The following ZDHHC21 variants were observed in gnomAD, a reference collection of about 807,000 sequenced individuals.
The protein encoded by ZDHHC21 is palmitoyltransferase ZDHHC21.
Under a neutral mutation model 34.6 loss-of-function variants are expected in ZDHHC21, and 15 were observed. The observed-to-expected ratio is 0.43, with a 90% CI of 0.29 to 0.67. The LOEUF (loss-of-function observed/expected upper bound fraction) is 0.67, where lower values mean the gene tolerates loss of function less well. Ranked by LOEUF, ZDHHC21 falls within the 30% of genes least tolerant of loss-of-function variation. The pLI, the probability that ZDHHC21 is intolerant of heterozygous loss-of-function variation, is 0.14. For missense variants in ZDHHC21, 344 were observed against 327.7 expected, an observed-to-expected ratio of 1.05 and a Z score of -0.38; for synonymous variants, 142 against 101.8, an observed-to-expected ratio of 1.40 and a Z score of -2.38.
At chr9:14,669,773 A>G (rs1422749924) in intron 5 of ZDHHC21, among the ~76,000 whole-genome samples, 8 of 148,818 alleles carry the variant, frequency 5.4e-5, no homozygotes, top group Non-Finnish European at 1.2e-4. Context: ...CAAACACTCC[A>G]TATTCTCACT....
chr9:14,644,554 A>G (rs1055336138), intron 7 of ZDHHC21, among the ~76,000 whole-genome samples: 2 of 152,006 alleles, frequency 1.3e-5, no homozygotes, highest in East Asian at 1.9e-4. Context: ...TCTGATTATG[A>G]AAGTTCTCCT....
chr9:14,653,367 T>A (rs1039255680), intron 7 of ZDHHC21, among the ~76,000 whole-genome samples: 1 of 151,972 alleles, frequency 6.6e-6, no homozygotes, highest in Admixed American at 6.6e-5. Context: ...AATGGTGACT[T>A]TGGTTCTGAA....
At chr9:14,684,143 A>G (rs1387965346) in intron 2 of ZDHHC21, among the ~76,000 whole-genome samples, 1 of 151,474 alleles carries the variant, frequency 6.6e-6, no homozygotes, top group Admixed American at 6.6e-5. Flanking sequence ...AACTGGCACA[A>G]GACAGGGATG....
chr9:14,689,747 G>C (rs2382478), intron 2 of ZDHHC21, among the ~76,000 whole-genome samples: 25,603 of 152,028 alleles, frequency 0.17, 2,520 homozygotes, highest in East Asian at 0.35. Context: ...AGAGAAAGTA[G>C]ATAACTGGGC....
At chr9:14,623,863 G>A (rs536518826) in intron 8 of ZDHHC21, among the ~76,000 whole-genome samples, 13 of 152,198 alleles carry the variant, frequency 8.5e-5, no homozygotes, top group South Asian at 6.2e-4. Context: ...CAAGGATGTG[G>A]AGAAAAGGGA....
chr9:14,693,350 C>T lies in ZDHHC21; in HGVS notation c.-346G>A, dbSNP rs1233522612. The T allele has an allele frequency of 4.9e-6, 2 of 408,570 alleles. No homozygotes were observed. Among genetic ancestry groups the T allele is most frequent in the Admixed American group, 2.8e-5 (1 of 35,986 alleles). The allele number at this position is 408,570 out of a possible 1,614,324, so 25.3% of individuals were successfully genotyped here. A position where few individuals can be genotyped will look rare whatever the true frequency, so the allele number is the denominator to read the frequency against. ...CGCCGCCCAGGCCGGGCCGCTCTCCCCTTCCGCTTCCGGGAGCCTGAGGGC... is the reference window on the plus strand; with the variant it reads ...CGCCGCCCAGGCCGGGCCGCTCTCCTCTTCCGCTTCCGGGAGCCTGAGGGC... On this transcript the variant is annotated 5_prime_UTR_variant, in exon 1 of 10. Transcript: ENST00000380916.
At chr9:14,646,144 A>T (rs1339560303) in intron 7 of ZDHHC21, among the ~76,000 whole-genome samples, 1 of 152,152 alleles carries the variant, frequency 6.6e-6, no homozygotes, top group African/African-American at 2.4e-5. Context: ...ACTAGAAACA[A>T]AGTAAATGTC....
intron 2 of ZDHHC21, among the ~76,000 whole-genome samples, chr9:14,683,396 C>G (rs1368946411): frequency 6.6e-6 from 1 of 152,086 alleles, no homozygotes; most frequent in East Asian, 1.9e-4. Flanking sequence ...GAAATACAAA[C>G]TACCATCAGA....
downstream of ZDHHC21, among the ~76,000 whole-genome samples, chr9:14,606,715 G>T (rs1036546422): frequency 1.3e-5 from 2 of 151,686 alleles, no homozygotes; most frequent in African/African-American, 4.8e-5. Context: ...CAAGTGACTG[G>T]GCTAAATTTT....
chr9:14,611,214 C>T lies in ZDHHC21; in HGVS notation c.*7752G>A, dbSNP rs987803105. ...ATATTACGTGAAAAAAACTAAATCGCTACAATAAATTAAAAACAACAACAT... is the reference window on the plus strand; with the variant it reads ...ATATTACGTGAAAAAAACTAAATCGTTACAATAAATTAAAAACAACAACAT... On this transcript the variant is annotated 3_prime_UTR_variant, in exon 10 of 10. Transcript: ENST00000380916. 2 of 151,850 alleles carry T rather than the reference C, an allele frequency of 1.3e-5. No homozygotes were observed. Among genetic ancestry groups the T allele is most frequent in the African/African-American group, 4.8e-5 (2 of 41,376 alleles). 9.4% of individuals were successfully genotyped at this position (151,850 alleles called of 1,614,324 possible).
chr9:14,634,851 A>G lies in ZDHHC21; in HGVS notation c.621+5045T>C, dbSNP rs76314143. Among the ~76,000 whole-genome samples the G allele has an allele frequency of 5.2e-3, 787 of 152,300 alleles. 9 individuals carry two copies. The highest frequency in any genetic ancestry group is 0.018 in the African/African-American group (751 of 41,574). On this transcript the variant is annotated intron_variant, in intron 8 of 9. Transcript: ENST00000380916. ...ATTCTCCAATAAAATATTACAATCAAAAAGATATATATGAAATCCCAGAAA... is the reference window on the plus strand; with the variant it reads ...ATTCTCCAATAAAATATTACAATCAGAAAGATATATATGAAATCCCAGAAA...
At chr9:14,626,080 A>G (rs1331583528) in intron 8 of ZDHHC21, among the ~76,000 whole-genome samples, 2 of 152,022 alleles carry the variant, frequency 1.3e-5, no homozygotes, top group African/African-American at 2.4e-5. Flanking sequence ...AACTGTTTAT[A>G]ATCAAAACTC....
At position 14,674,184 on chromosome 9, in the gene ZDHHC21, T is replaced by C; in HGVS notation, c.154+3A>G. The C allele has an allele frequency of 1.3e-6, 2 of 1,485,256 alleles. No individual in the cohort carries two copies. The highest frequency in any genetic ancestry group is 3.0e-5 in the South Asian group (2 of 67,590). The allele number at this position is 1,485,256 out of a possible 1,614,324, so 92.0% of individuals were successfully genotyped here. A position where few individuals can be genotyped will look rare whatever the true frequency, so the allele number is the denominator to read the frequency against. ...ACAAGAAAATAAAGATCAAGAAACT[T>C]ACTTATTATTAATATGCCTGGAATA... is the stretch of plus-strand genomic sequence containing the variant. On this transcript the variant is annotated splice_donor_region_variant and intron_variant, in intron 4 of 9. Transcript: ENST00000380916.
intron 7 of ZDHHC21, among the ~76,000 whole-genome samples, chr9:14,657,909 T>G (rs1352856168): frequency 6.6e-6 from 1 of 152,180 alleles, no homozygotes; most frequent in African/African-American, 2.4e-5. Context: ...TTCTTTTACA[T>G]GATCTAACTT....
chr9:14,674,421 T>C (rs560243224), intron 3 of ZDHHC21, 36 bp from the exon 4 acceptor site: 37 of 1,399,264 alleles, frequency 2.6e-5, no homozygotes, highest in Admixed American at 1.4e-4. Flanking sequence ...ATTACTTACA[T>C]AGAAAAATTT....
intron 7 of ZDHHC21, among the ~76,000 whole-genome samples, chr9:14,654,900 A>C (rs1831910078): frequency 6.6e-6 from 1 of 152,000 alleles, no homozygotes; most frequent in African/African-American, 2.4e-5. Context: ...TGTAAGTAGA[A>C]TCCCAGAACT....
At chr9:14,589,549 G>C in the ZDHHC21 span, 1 of 152,086 alleles carries the variant, frequency 6.6e-6, no homozygotes, top group Admixed American at 6.6e-5. Flanking sequence ...AAAAGTTTCA[G>C]AAATCTTCAT....
chr9:14,679,723 T>C (rs911767959), intron 3 of ZDHHC21, among the ~76,000 whole-genome samples: 6 of 152,170 alleles, frequency 3.9e-5, no homozygotes, highest in African/African-American at 9.6e-5. Context: ...ATTATCCTTA[T>C]AGTAAATGCT....
chr9:14,681,485 T>C (rs1281442721), intron 2 of ZDHHC21, among the ~76,000 whole-genome samples: 1 of 152,142 alleles, frequency 6.6e-6, no homozygotes, highest in Non-Finnish European at 1.5e-5. Context: ...TGTTAAACCA[T>C]GCCAGTGAGT....
Sources: gnomAD v4.1 joint callset for allele counts (sites outside exome capture counted in the v4.1 genomes callset) on GRCh38, gnomAD v4.1.1 for gene constraint, MANE v1.5 for transcripts, NCBI Gene and HGNC (gene_info 2026-07-23, HGNC 2026-07-21) for gene names.